Variants in IL1RL2 observed in about 807,000 individuals in gnomAD.
IL1RL2 encodes the protein interleukin-1 receptor-like 2.
Under a neutral mutation model 66.8 loss-of-function variants are expected in IL1RL2, and 68 were observed. The observed-to-expected ratio is 1.02, with a 90% CI of 0.84 to 1.25. The LOEUF is 1.25. Among genes scored for constraint, IL1RL2 ranks in the 50% most tolerant of loss-of-function variants. The pLI is 0.00. For synonymous variants in IL1RL2, 305 were observed against 264.6 expected, an observed-to-expected ratio of 1.15 and a Z score of -1.48; for missense variants, 729 against 709.3, an observed-to-expected ratio of 1.03 and a Z score of -0.32.
chr2:102,233,426 G>A (rs1691327433), intron 10 of IL1RL2, among the ~76,000 whole-genome samples: 1 of 152,244 alleles, frequency 6.6e-6, no homozygotes, highest in Non-Finnish European at 1.5e-5. Flanking sequence ...GGCCAGTGAT[G>A]TAGTGGTGGC....
At chr2:102,196,386 G>A (rs1687785774) in intron 4 of IL1RL2, among the ~76,000 whole-genome samples, 1 of 152,134 alleles carries the variant, frequency 6.6e-6, no homozygotes, top group Non-Finnish European at 1.5e-5. Flanking sequence ...ATCCAGGTAT[G>A]GCTGTTTTTG....
rs1474158874 is a variant in IL1RL2 at position 102,191,259 on chromosome 2, T to A, written c.294-666T>A. Among the ~76,000 whole-genome samples the A allele has an allele frequency of 3.3e-5, 5 of 152,156 alleles. 1 individual carries two copies. The highest frequency in any genetic ancestry group is 3.3e-4 in the Admixed American group (5 of 15,266). ...TATATTTCCTATCAACAGTGTATGT[T>A]TCCTATTTCCTTTCAATGTATATTT... On this transcript the variant is annotated intron_variant, in intron 3 of 11. Transcript: ENST00000264257.
At chr2:102,234,764 G>T (rs999053664) in intron 10 of IL1RL2, 133 bp from the exon 11 acceptor site, 5 of 784,188 alleles carry the variant, frequency 6.4e-6, no homozygotes, top group Non-Finnish European at 1.0e-5. Flanking sequence ...TCCAACCTGG[G>T]CAACACAGTG....
downstream of IL1RL2, among the ~76,000 whole-genome samples, chr2:102,242,632 A>G (rs186962197): frequency 3.3e-5 from 5 of 152,240 alleles, no homozygotes; most frequent in Admixed American, 2.0e-4. Context: ...TTTTTGTTCT[A>G]TTCAGGCCTT....
intron 3 of IL1RL2, among the ~76,000 whole-genome samples, 195 bp from the exon 4 acceptor site, chr2:102,191,730 T>G (rs1261983737): frequency 6.6e-6 from 1 of 152,214 alleles, no homozygotes; most frequent in African/African-American, 2.4e-5. Flanking sequence ...AGTTAAGGTG[T>G]TGTCCAGTTC....
At chr2:102,200,449 C>T (rs9808381) in intron 4 of IL1RL2, among the ~76,000 whole-genome samples, 148,545 of 152,320 alleles carry the variant, frequency 0.98, 72,447 homozygotes, top group East Asian at 1. Flanking sequence ...AGGAGAGAGC[C>T]TAACACTTGG....
rs35039261 is a variant in IL1RL2 at position 102,219,467 on chromosome 2, G to A, written c.854+385G>A. The stretch of plus-strand genomic sequence containing the variant: ...AACAAGCGCCAATGGGGACTCTTAG[G>A]GAAGACAGTGCATAATCATTAGCTA... On this transcript the variant is annotated intron_variant, in intron 7 of 11. Transcript: ENST00000264257. Among the ~76,000 whole-genome samples the A allele has an allele frequency of 6.6e-3, 1,011 of 152,268 alleles. 7 individuals carry two copies. Among genetic ancestry groups the A allele is most frequent in the African/African-American group, 0.018 (755 of 41,550 alleles).
intron 6 of IL1RL2, among the ~76,000 whole-genome samples, chr2:102,215,365 C>T (rs1465014377): frequency 6.6e-6 from 1 of 152,300 alleles, no homozygotes; most frequent in African/African-American, 2.4e-5. Flanking sequence ...GTCATTTCAC[C>T]ATGTTCATAC....
chr2:102,220,735 AAG>A (rs3074969), intron 8 of IL1RL2, among the ~76,000 whole-genome samples: 8 of 151,790 alleles, frequency 5.3e-5, no homozygotes, highest in Admixed American at 5.2e-4. Context: ...AGCTACATGC[AAG>A]AGAGAGGACT....
intron 5 of IL1RL2, among the ~76,000 whole-genome samples, chr2:102,210,226 G>A (rs1446573754): frequency 2.6e-5 from 4 of 152,096 alleles, no homozygotes; most frequent in Non-Finnish European, 5.9e-5. Flanking sequence ...GGCACAAGAG[G>A]GAACTTGGAG....
chr2:102,192,231 C>A, intron 4 of IL1RL2, 111 bp downstream of exon 4: 1 of 661,646 alleles, frequency 1.5e-6, no homozygotes, highest in Non-Finnish European at 2.5e-6. Flanking sequence ...AAGTTGTGTG[C>A]CTAAGATAGA....
At position 102,225,990 on chromosome 2, in the gene IL1RL2, G is replaced by C. The variant is rs768579310; in HGVS notation, c.1084G>C (p.Asp362His). The C allele has an allele frequency of 1.9e-6, 3 of 1,607,326 alleles. No individual in the cohort carries two copies. Among genetic ancestry groups the C allele is most frequent in the African/African-American group, 1.3e-5 (1 of 74,618 alleles). Reference protein sequence around the residue: ...VVYIYNIFKIDIVLWYRSAFH... With the variant: ...VVYIYNIFKIHIVLWYRSAFH... ...GTACATATACAACATTTTTAAGATC[G>C]ACATTGTTCTTTGGTATCGAAGTGC... The change falls in exon 9 of 12, where the codon GAC becomes CAC. Residue 362 changes from aspartate to histidine, a missense_variant. Transcript: ENST00000264257.
At chr2:102,193,733 G>A (rs776336973) in intron 4 of IL1RL2, among the ~76,000 whole-genome samples, 6 of 152,060 alleles carry the variant, frequency 3.9e-5, no homozygotes, top group Non-Finnish European at 8.8e-5. Flanking sequence ...CAGTTTGGTG[G>A]GTATAAAATG....
At chr2:102,216,182 A>T (rs1352959072) in intron 6 of IL1RL2, among the ~76,000 whole-genome samples, 1 of 152,246 alleles carries the variant, frequency 6.6e-6, no homozygotes, top group Non-Finnish European at 1.5e-5. Context: ...GAAATTCAAC[A>T]GATAGATATT....
At chr2:102,196,175 G>A (rs971223408) in intron 4 of IL1RL2, among the ~76,000 whole-genome samples, 10 of 152,202 alleles carry the variant, frequency 6.6e-5, no homozygotes, top group South Asian at 6.2e-4. Flanking sequence ...AGTGAGCATC[G>A]GATTTGATCC....
intron 4 of IL1RL2, among the ~76,000 whole-genome samples, chr2:102,196,578 T>G (rs1387938185): frequency 2.6e-5 from 4 of 152,144 alleles, no homozygotes; most frequent in Non-Finnish European, 5.9e-5. Context: ...ACAAGTAAAC[T>G]AAGAATTTTA....
intron 3 of IL1RL2, among the ~76,000 whole-genome samples, chr2:102,190,837 A>G (rs1262891807): frequency 6.6e-6 from 1 of 152,226 alleles, no homozygotes; most frequent in Non-Finnish European, 1.5e-5. Context: ...GAGCTGTGAA[A>G]TGAGGAAAAG....
chr2:102,202,470 T>G (rs901162122), intron 5 of IL1RL2, among the ~76,000 whole-genome samples: 1 of 151,804 alleles, frequency 6.6e-6, no homozygotes. Context: ...TTATAATCCA[T>G]GAGCATAGAA....
At chr2:102,242,137 C>T (rs1005758134), downstream of IL1RL2, among the ~76,000 whole-genome samples, 7 of 152,222 alleles carry the variant, frequency 4.6e-5, no homozygotes, top group East Asian at 1.9e-4. Context: ...TCTGAAGAGC[C>T]GGATGAAACT....
Sources: allele counts gnomAD v4.1 joint callset (sites outside exome capture counted in the v4.1 genomes callset), GRCh38; gene constraint gnomAD v4.1.1; transcripts MANE v1.5; gene names NCBI Gene and HGNC (gene_info 2026-07-23, HGNC 2026-07-21).